VIT: variants seen among roughly 807,000 people sequenced by gnomAD.
VIT encodes the protein vitrin.
A neutral mutation model predicts 78.0 loss-of-function variants in VIT; 99 were observed. The ratio of observed to expected loss-of-function variants is 1.27; its 90% CI spans 1.08 to 1.50. VIT has a LOEUF of 1.50. VIT is among the 40% of genes most tolerant of loss of function. The pLI, the probability that VIT is intolerant of heterozygous loss-of-function variation, is 0.00. For synonymous variants in VIT, 374 were observed against 334.3 expected (o/e 1.12, Z -1.29); for missense variants, 1,126 against 875.3 (o/e 1.29, Z -3.61).
intron 12 of VIT, among the ~76,000 whole-genome samples, chr2:36,790,494 T>C (rs1199163651): frequency 6.6e-6 from 1 of 152,170 alleles, no homozygotes; most frequent in Non-Finnish European, 1.5e-5. Context: ...GTTCTCCACC[T>C]GCGGGACCCA....
intron 7 of VIT, among the ~76,000 whole-genome samples, chr2:36,771,692 A>C (rs949961178): frequency 2.0e-5 from 3 of 152,106 alleles, no homozygotes; most frequent in African/African-American, 7.2e-5. Context: ...CAGAATTCAC[A>C]CTTCCAGGAA....
At chr2:36,769,726 C>A (rs1416227847) in intron 7 of VIT, among the ~76,000 whole-genome samples, 2 of 152,102 alleles carry the variant, frequency 1.3e-5, no homozygotes, top group Non-Finnish European at 1.5e-5. Flanking sequence ...ATGTAAAGTA[C>A]AAATCAATGG....
At chr2:36,728,379 A>G (rs1402263704) in intron 2 of VIT, among the ~76,000 whole-genome samples, 1 of 152,194 alleles carries the variant, frequency 6.6e-6, no homozygotes, top group East Asian at 1.9e-4. Flanking sequence ...ATAAGGATAT[A>G]AGGAAAGACA....
intron 5 of VIT, 119 bp from the exon 6 acceptor site, chr2:36,758,850 G>A (rs992136978): frequency 1.1e-6 from 1 of 879,116 alleles, no homozygotes; most frequent in East Asian, 2.4e-5. Flanking sequence ...GCATGAGGGA[G>A]ACTGATTTTA....
At chr2:36,782,265 C>T (rs185695562) in intron 10 of VIT, among the ~76,000 whole-genome samples, 273 of 152,298 alleles carry the variant, frequency 1.8e-3, no homozygotes, top group African/African-American at 6.4e-3. Context: ...GAGAGGACTC[C>T]GCCTCTGGAC....
intron 9 of VIT, among the ~76,000 whole-genome samples, chr2:36,776,994 C>A (rs917068090): frequency 1.3e-5 from 2 of 149,048 alleles, no homozygotes; most frequent in Non-Finnish European, 3.0e-5. Flanking sequence ...GAGGCTGAGG[C>A]AGGAGAATGG....
rs1199762486 is a variant in VIT, at chr2:36,795,364, TA to T, written c.1059-5936del. 6.5e-4 allele frequency among the ~76,000 whole-genome samples: 46 copies of T among 70,438 alleles called. No homozygotes were observed. In the East Asian group the frequency reaches 0.017, roughly 27 times the overall value. 46.2% of individuals were successfully genotyped at this position (70,438 alleles called of 152,430 possible). The stretch of plus-strand genomic sequence containing the variant: ...TGCCTTATTTTATTTTATTTTATTT[TA>T]TTTATTTTATTTTATTTTATATTTT... On this transcript the variant is annotated intron_variant, in intron 12 of 15. Transcript: ENST00000379242.
chr2:36,758,961 T>C lies in VIT; in HGVS notation c.410-8T>C. ...ATAAATCTCGTTTTTTTTTTCTCTTTTTTGCAGAAAGTAAACCCAAAAAGG... is the reference window on the plus strand; with the variant it reads ...ATAAATCTCGTTTTTTTTTTCTCTTCTTTGCAGAAAGTAAACCCAAAAAGG... On this transcript the variant is annotated splice_polypyrimidine_tract_variant and splice_region_variant and intron_variant, in intron 5 of 15. Coordinates refer to ENST00000379242, the MANE Select transcript of VIT (RefSeq NM_053276.4). 1.9e-6 allele frequency: 3 copies of C among 1,612,362 alleles called. No individual in the cohort carries two copies. The highest frequency in any genetic ancestry group is 2.5e-6 in the Non-Finnish European group (3 of 1,179,292).
rs562085481 is a variant in VIT at position 36,706,811 on chromosome 2, A to G, written c.-18-9542A>G. Among the ~76,000 whole-genome samples the G allele has an allele frequency of 7.2e-5, 11 of 152,354 alleles. No individual in the cohort carries two copies. In the East Asian group the frequency reaches 2.1e-3, roughly 29 times the overall value. ...AAAAGTGAAAAGTACTATGCAAATG[A>G]AGAGTGGCATTTTTATTTTATTATA... On this transcript the variant is annotated intron_variant, in intron 1 of 15. Coordinates refer to ENST00000379242, the MANE Select transcript of VIT (RefSeq NM_053276.4).
chr2:36,728,806 C>G, intron 2 of VIT, among the ~76,000 whole-genome samples: 1 of 1,166 alleles, frequency 8.6e-4, no homozygotes, highest in African/African-American at 1.3e-3. Flanking sequence ...GAGCAAGACT[C>G]CGTCTCAAAA....
chr2:36,787,227 G>T lies in VIT; in HGVS notation c.1009G>T (p.Ala337Ser). 2 of 1,614,158 alleles carry T rather than the reference G, an allele frequency of 1.2e-6. No homozygotes were observed. The highest frequency in any genetic ancestry group is 1.7e-6 in the Non-Finnish European group (2 of 1,180,010). ...QKQLLADVAQ[A>S]LDIGPAGPLM... ...GCAGCTCCTGGCTGATGTTGCCCAA[G>T]CTCTTGACATTGGCCCTGCCGGTCC... is the stretch of plus-strand genomic sequence containing the variant. Residue 337 changes from alanine (A) to serine (S), a missense_variant, in exon 12 of 16, where the codon GCT becomes TCT. By Grantham distance (99) the Ala-to-Ser change is moderately conservative. Transcript: ENST00000379242.
chr2:36,724,507 A>T (rs1666716795), intron 2 of VIT, among the ~76,000 whole-genome samples: 1 of 152,170 alleles, frequency 6.6e-6, no homozygotes, highest in South Asian at 2.1e-4. Flanking sequence ...CATGCAATTT[A>T]CCATTTCCAG....
At chr2:36,805,880 C>T (rs1297751133) in intron 14 of VIT, among the ~76,000 whole-genome samples, 1 of 152,160 alleles carries the variant, frequency 6.6e-6, no homozygotes, top group African/African-American at 2.4e-5. Flanking sequence ...GAGCAGTGTA[C>T]TCGAATTCTC....
chr2:36,778,239 G>T (rs545146934), intron 9 of VIT, among the ~76,000 whole-genome samples: 25 of 152,262 alleles, frequency 1.6e-4, no homozygotes, highest in African/African-American at 2.6e-4. Flanking sequence ...GCCTTCACAG[G>T]CCCCACACTC....
chr2:36,777,506 A>G (rs1338647814), intron 9 of VIT, among the ~76,000 whole-genome samples: 3 of 152,146 alleles, frequency 2.0e-5, no homozygotes, highest in Non-Finnish European at 4.4e-5. Context: ...GTAGTGTGCC[A>G]GGCAATTGCC....
intron 10 of VIT, 111 bp from the exon 11 acceptor site, chr2:36,783,229 T>A: frequency 1.0e-6 from 1 of 975,848 alleles, no homozygotes; most frequent in South Asian, 1.6e-5. Flanking sequence ...CAGTTAGCTT[T>A]AAGCCAAGCC....
chr2:36,758,958 C>A lies in VIT; in HGVS notation c.410-11C>A, dbSNP rs765100838. On this transcript the variant is annotated splice_polypyrimidine_tract_variant and intron_variant, in intron 5 of 15. Coordinates refer to ENST00000379242, the MANE Select transcript of VIT (RefSeq NM_053276.4). ...GAAATAAATCTCGTTTTTTTTTTCT[C>A]TTTTTTGCAGAAAGTAAACCCAAAA... 1.1e-5 allele frequency: 17 copies of A among 1,587,860 alleles called. No individual in the cohort carries two copies. The highest frequency in any genetic ancestry group is 1.4e-5 in the Non-Finnish European group (16 of 1,167,748).
chr2:36,802,624 G>C (rs138468340), intron 13 of VIT, among the ~76,000 whole-genome samples: 1 of 152,362 alleles, frequency 6.6e-6, no homozygotes, highest in Non-Finnish European at 1.5e-5. Flanking sequence ...ACATGACAGA[G>C]TTGATTTCTG....
chr2:36,802,805 T>C (rs991222365), intron 13 of VIT, among the ~76,000 whole-genome samples: 1 of 152,234 alleles, frequency 6.6e-6, no homozygotes, highest in African/African-American at 2.4e-5. Context: ...GTTTGGGTTC[T>C]GAGGACAGAA....
Sources: gnomAD v4.1 joint callset for allele counts (sites outside exome capture counted in the v4.1 genomes callset) on GRCh38, gnomAD v4.1.1 for gene constraint, MANE v1.5 for transcripts, NCBI Gene and HGNC (gene_info 2026-07-23, HGNC 2026-07-21) for gene names.